PMVK: variants seen among roughly 807,000 people sequenced by gnomAD.
The protein encoded by PMVK is phosphomevalonate kinase.
Under a neutral mutation model 19.0 loss-of-function variants are expected in PMVK, and 10 were observed. That is an observed-to-expected ratio of 0.53 (90% CI 0.32 to 0.89). The LOEUF is 0.89. Ranked by LOEUF, PMVK falls within the 40% of genes least tolerant of loss-of-function variation. The pLI, the probability that PMVK is intolerant of heterozygous loss-of-function variation, is 0.03. For synonymous variants in PMVK, 108 were observed against 101.6 expected (o/e 1.06, Z -0.38); for missense variants, 222 against 251.1 (o/e 0.88, Z 0.78).
intron 2 of PMVK, among the ~76,000 whole-genome samples, chr1:154,931,536 G>A (rs1228968210): frequency 6.6e-6 from 1 of 152,076 alleles, no homozygotes; most frequent in Non-Finnish European, 1.5e-5. Context: ...CCTCCCTGGG[G>A]GCAACCAATG....
intron 3 of PMVK, 105 bp from the exon 4 acceptor site, chr1:154,926,588 C>T (rs1457389944): frequency 2.0e-5 from 18 of 917,790 alleles, no homozygotes; most frequent in Non-Finnish European, 2.3e-5. Context: ...GGCTCTACCC[C>T]CCCATCATCG....
chr1:154,936,978 C>CT, upstream of PMVK: 2 of 354,786 alleles, frequency 5.6e-6, no homozygotes, highest in Non-Finnish European at 5.4e-6. Context: ...AGTCCAGCCC[C>CT]GCCCAGAACC....
chr1:154,928,984 G>C, intron 3 of PMVK, 40 bp downstream of exon 3: 1 of 1,589,718 alleles, frequency 6.3e-7, no homozygotes, highest in East Asian at 2.2e-5. Context: ...GAAGAGCTAG[G>C]GAAACAGGTG....
In PMVK at chr1:154,924,893, C is replaced by T; in HGVS notation, c.*236G>A. 1.8e-6 allele frequency: 1 copy of T among 543,568 alleles called. No homozygotes were observed. The highest frequency in any genetic ancestry group is 3.3e-6 in the Non-Finnish European group (1 of 301,680). The allele number at this position is 543,568 out of a possible 1,614,324, so 33.7% of individuals were successfully genotyped here. On this transcript the variant is annotated 3_prime_UTR_variant, in exon 5 of 5. Coordinates refer to ENST00000368467, the MANE Select transcript of PMVK (RefSeq NM_006556.4). ...GCAGGGTTTCGCCTTCAAGCACAGC[C>T]AAGACACCCTCCTTTGCCCTTGGAG...
At position 154,929,103 on chromosome 1, in the gene PMVK, C is replaced by T. The variant is rs752708958; in HGVS notation, c.233G>A (p.Arg78His). 8.1e-6 allele frequency: 13 copies of T among 1,613,920 alleles called. No individual in the cohort carries two copies. Among genetic ancestry groups the T allele is most frequent in the African/African-American group, 2.7e-5 (2 of 74,928 alleles). ...YKEAFRKDMIRWGEEKRQADP... is the reference protein window; with the variant it reads ...YKEAFRKDMIHWGEEKRQADP... ...AGCCTGGCGTTTCTCCTCTCCCCAGCGGATCATGTCCTTCCGAAAGGCCTC... is the reference window on the plus strand; with the variant it reads ...AGCCTGGCGTTTCTCCTCTCCCCAGTGGATCATGTCCTTCCGAAAGGCCTC... The change falls in exon 3 of 5, where the codon CGC becomes CAC. Residue 78 changes from arginine to histidine, a missense_variant. Transcript: ENST00000368467.
At chr1:154,929,356 C>T (rs530344236) in intron 2 of PMVK, among the ~76,000 whole-genome samples, 180 bp from the exon 3 acceptor site, 70 of 152,256 alleles carry the variant, frequency 4.6e-4, no homozygotes, top group African/African-American at 1.6e-3. Context: ...TAAGAAATCC[C>T]GATCACTGGT....
chr1:154,936,678 G>C lies in PMVK; in HGVS notation c.8C>G (p.Pro3Arg). The part of the protein sequence containing the change: MA[P>R]LGGAPRLVLL... ...TACCAGCCGCGGGGCGCCTCCCAGC[G>C]GGGCCATGGGGCCGCCACGCCTCGC... Residue 3 changes from proline to arginine, a missense_variant, in exon 1 of 5, where the codon CCG (proline) becomes CGG (arginine). Transcript: ENST00000368467. 1 of 1,603,732 alleles carries C rather than the reference G, an allele frequency of 6.2e-7. No homozygotes were observed. The highest frequency in any genetic ancestry group is 1.1e-5 in the South Asian group (1 of 89,296).
Position 154,929,052 on chromosome 1 carries a change from A to G in PMVK, c.284T>C (p.Ile95Thr). The change falls in exon 3 of 5, where the codon ATT (isoleucine) becomes ACT (threonine). Residue 95 changes from isoleucine (I) to threonine (T), a missense_variant. Coordinates refer to ENST00000368467, the MANE Select transcript of PMVK (RefSeq NM_006556.4). ...QADPGFFCRKIVEGISQPIWL... is the reference protein window; with the variant it reads ...QADPGFFCRKTVEGISQPIWL... The stretch of plus-strand genomic sequence containing the variant: ...GATGGGCTGGGAGATGCCCTCCACA[A>G]TCTTCCTGCAAAAGAAGCCTGGGTC... 1.9e-6 allele frequency: 3 copies of G among 1,614,152 alleles called. No homozygotes were observed. The highest frequency in any genetic ancestry group is 2.5e-6 in the Non-Finnish European group (3 of 1,180,026).
chr1:154,925,329 T>G, intron 4 of PMVK, 64 bp from the exon 5 acceptor site: 2 of 1,574,058 alleles, frequency 1.3e-6, no homozygotes, highest in Non-Finnish European at 1.7e-6. Flanking sequence ...CATCAAGGCC[T>G]GCTAACCCCA....
intron 1 of PMVK, among the ~76,000 whole-genome samples, chr1:154,933,490 C>CTTTTTT (rs397860434): frequency 8.8e-6 from 1 of 113,990 alleles, no homozygotes; most frequent in Non-Finnish European, 1.7e-5. Context: ...CTTAACCAAC[C>CTTTTTT]TTTTTTTTTT....
chr1:154,929,619 T>C (rs538316259), intron 2 of PMVK, among the ~76,000 whole-genome samples: 1 of 152,074 alleles, frequency 6.6e-6, no homozygotes, highest in East Asian at 1.9e-4. Flanking sequence ...CCCACGGAGA[T>C]TGTGTCTCCT....
At chr1:154,936,493 AC>A in intron 1 of PMVK, 97 bp downstream of exon 1, 1 of 1,515,354 alleles carries the variant, frequency 6.6e-7, no homozygotes, top group Non-Finnish European at 8.9e-7. Flanking sequence ...CAAACGGACG[AC>A]CCGTACTCCA....
chr1:154,925,652 C>G (rs950956404), intron 4 of PMVK, among the ~76,000 whole-genome samples: 1 of 152,244 alleles, frequency 6.6e-6, no homozygotes, highest in East Asian at 1.9e-4. Flanking sequence ...GTGCTGGAGT[C>G]AGAAGCAGAG....
At chr1:154,932,177 G>A (rs1558031670) in intron 2 of PMVK, among the ~76,000 whole-genome samples, 175 bp downstream of exon 2, 1 of 152,168 alleles carries the variant, frequency 6.6e-6, no homozygotes, top group Admixed American at 6.6e-5. Flanking sequence ...TATTAGGAAA[G>A]AAATATAAGC....
At chr1:154,926,631 G>A (rs1028865471) in intron 3 of PMVK, 148 bp from the exon 4 acceptor site, 19 of 635,502 alleles carry the variant, frequency 3.0e-5, no homozygotes, top group African/African-American at 7.3e-5. Flanking sequence ...CACTATTCAC[G>A]GATTCATTCA....
chr1:154,942,091 A>T, the PMVK span, among the ~76,000 whole-genome samples: 3 of 152,218 alleles, frequency 2.0e-5, no homozygotes, highest in Non-Finnish European at 4.4e-5. Flanking sequence ...AACTCTAGTG[A>T]TTCTTCCCAA....
chr1:154,926,589 C>A (rs559429476), intron 3 of PMVK, 106 bp from the exon 4 acceptor site: 2 of 889,414 alleles, frequency 2.2e-6, no homozygotes, highest in Non-Finnish European at 3.5e-6. Context: ...GCTCTACCCC[C>A]CCATCATCGT....
At chr1:154,940,180 C>A (rs903434801), upstream of PMVK, among the ~76,000 whole-genome samples, 1 of 152,222 alleles carries the variant, frequency 6.6e-6, no homozygotes, top group African/African-American at 2.4e-5. Flanking sequence ...GGGCAATGGA[C>A]CTTCCAAAGG....
chr1:154,925,809 T>C (rs1314338960), intron 4 of PMVK, among the ~76,000 whole-genome samples: 1 of 152,180 alleles, frequency 6.6e-6, no homozygotes, highest in African/African-American at 2.4e-5. Context: ...AGACAGTGCA[T>C]ATAAAATGCT....
Sources: allele counts gnomAD v4.1 joint callset (sites outside exome capture counted in the v4.1 genomes callset), GRCh38; gene constraint gnomAD v4.1.1; transcripts MANE v1.5; gene names NCBI Gene and HGNC (gene_info 2026-07-23, HGNC 2026-07-21).